The following KCNH7 variants were observed in gnomAD, a reference collection of about 807,000 sequenced individuals.
The protein encoded by KCNH7 is potassium voltage-gated channel subfamily H member 7.
A neutral mutation model predicts 120.8 loss-of-function variants in KCNH7; 49 were observed. The observed-to-expected ratio is 0.41, with a 90% CI of 0.32 to 0.51. KCNH7 has a LOEUF of 0.51. Ranked by LOEUF, KCNH7 falls within the 20% of genes least tolerant of loss-of-function variation. The pLI, the probability that KCNH7 is intolerant of heterozygous loss-of-function variation, is 0.38. For missense variants in KCNH7, 1,097 were observed against 1,446.6 expected (o/e 0.76, Z 3.92); for synonymous variants, 547 against 516.1 (o/e 1.06, Z -0.81).
At chr2:162,835,395 G>C (rs952572723) in intron 2 of KCNH7, among the ~76,000 whole-genome samples, 4 of 151,848 alleles carry the variant, frequency 2.6e-5, no homozygotes, top group Admixed American at 6.6e-5. Context: ...TATACCAAAT[G>C]ATGAGTCATT....
chr2:162,804,217 T>C (rs768348032), intron 2 of KCNH7, among the ~76,000 whole-genome samples: 1 of 151,816 alleles, frequency 6.6e-6, no homozygotes, highest in Non-Finnish European at 1.5e-5. Flanking sequence ...CTATTCAACA[T>C]AGTACTGGAA....
chr2:162,413,179 G>A (rs534417298), intron 9 of KCNH7, among the ~76,000 whole-genome samples: 1 of 151,982 alleles, frequency 6.6e-6, no homozygotes, highest in Admixed American at 6.6e-5. Context: ...CCCCAGGGTG[G>A]AGTGCAATGG....
intron 6 of KCNH7, among the ~76,000 whole-genome samples, chr2:162,447,828 A>G (rs1259777751): frequency 6.6e-6 from 1 of 152,114 alleles, no homozygotes; most frequent in Non-Finnish European, 1.5e-5. Context: ...TAGTTTTAAA[A>G]GGACTTTGAA....
At chr2:162,460,843 C>A (rs1689124459) in intron 6 of KCNH7, among the ~76,000 whole-genome samples, 1 of 152,122 alleles carries the variant, frequency 6.6e-6, no homozygotes, top group Middle Eastern at 3.2e-3. Context: ...AGCTAACGTT[C>A]CAAGGTGGTT....
At chr2:162,616,398 G>A (rs961357181) in intron 2 of KCNH7, among the ~76,000 whole-genome samples, 1 of 152,170 alleles carries the variant, frequency 6.6e-6, no homozygotes, top group Non-Finnish European at 1.5e-5. Flanking sequence ...TGCCACGTTG[G>A]GGGTGGTGTG....
chr2:162,750,247 C>A (rs1282343466), intron 2 of KCNH7, among the ~76,000 whole-genome samples: 1 of 152,034 alleles, frequency 6.6e-6, no homozygotes, highest in East Asian at 1.9e-4. Context: ...TCAACAACAG[C>A]TTTGCTGTGC....
chr2:162,543,570 T>C (rs972540621), intron 2 of KCNH7, among the ~76,000 whole-genome samples: 1 of 152,164 alleles, frequency 6.6e-6, no homozygotes, highest in Non-Finnish European at 1.5e-5. Context: ...CAATTACTTC[T>C]TATTTAAAAC....
chr2:162,597,468 T>C (rs867364439), intron 2 of KCNH7, among the ~76,000 whole-genome samples: 10 of 152,048 alleles, frequency 6.6e-5, no homozygotes, highest in Middle Eastern at 3.2e-3. Flanking sequence ...GTCTCACTTA[T>C]ATGTGGAATC....
intron 9 of KCNH7, among the ~76,000 whole-genome samples, chr2:162,416,753 G>A (rs962658881): frequency 1.3e-5 from 2 of 152,030 alleles, no homozygotes; most frequent in African/African-American, 4.8e-5. Flanking sequence ...CAGAGGTGAT[G>A]CCCCCTACCC....
At chr2:162,726,306 G>C (rs1223359767) in intron 2 of KCNH7, among the ~76,000 whole-genome samples, 2 of 152,050 alleles carry the variant, frequency 1.3e-5, no homozygotes, top group African/African-American at 2.4e-5. Flanking sequence ...CCCTTTACTT[G>C]CCAATTTTAA....
At chr2:162,537,745 G>A (rs1354030885) in intron 2 of KCNH7, among the ~76,000 whole-genome samples, 1 of 151,966 alleles carries the variant, frequency 6.6e-6, no homozygotes, top group African/African-American at 2.4e-5. Flanking sequence ...TCTTCTAAAA[G>A]CAAAATTACA....
At chr2:162,675,004 A>AT (rs959307660) in intron 2 of KCNH7, among the ~76,000 whole-genome samples, 2 of 151,620 alleles carry the variant, frequency 1.3e-5, no homozygotes, top group African/African-American at 4.8e-5. Flanking sequence ...AACTCAAGAA[A>AT]TTTATAATGA....
chr2:162,751,766 A>C (rs765138646), intron 2 of KCNH7, among the ~76,000 whole-genome samples: 50 of 151,476 alleles, frequency 3.3e-4, no homozygotes, highest in Admixed American at 1.2e-3. Flanking sequence ...ATGAATACAA[A>C]AGCATTTTAT....
chr2:162,733,834 T>C (rs886408707), intron 2 of KCNH7, among the ~76,000 whole-genome samples: 1 of 152,232 alleles, frequency 6.6e-6, no homozygotes, highest in Non-Finnish European at 1.5e-5. Flanking sequence ...CCACTTGTTA[T>C]GTAAAATGGT....
chr2:162,689,363 G>A (rs1260490373), intron 2 of KCNH7, among the ~76,000 whole-genome samples: 3 of 151,970 alleles, frequency 2.0e-5, no homozygotes, highest in East Asian at 3.9e-4. Context: ...TGTTGACTAG[G>A]CTGGTTTCAA....
intron 2 of KCNH7, among the ~76,000 whole-genome samples, chr2:162,586,813 C>A (rs1057098489): frequency 3.3e-5 from 5 of 151,578 alleles, no homozygotes; most frequent in Non-Finnish European, 5.9e-5. Context: ...TGCCATAAAA[C>A]CCATTAAAAT....
intron 6 of KCNH7, among the ~76,000 whole-genome samples, chr2:162,479,673 ATGTG>A (rs71009359): frequency 0.14 from 20,368 of 145,190 alleles, 1,878 homozygotes; most frequent in East Asian, 0.37. Flanking sequence ...GTGTGTGTGC[ATGTG>A]TGTGTGTGTG....
chr2:162,665,802 T>C (rs1209206399), intron 2 of KCNH7, among the ~76,000 whole-genome samples: 1 of 152,156 alleles, frequency 6.6e-6, no homozygotes, highest in Non-Finnish European at 1.5e-5. Flanking sequence ...TCAATTAAAC[T>C]ATGCAGGGAG....
intron 6 of KCNH7, among the ~76,000 whole-genome samples, chr2:162,470,361 C>A (rs1689469909): frequency 6.6e-6 from 1 of 151,424 alleles, no homozygotes; most frequent in African/African-American, 2.4e-5. Context: ...CGGCCGCGAC[C>A]CTGTCTGGGA....
Sources: gnomAD v4.1 joint callset for allele counts (sites outside exome capture counted in the v4.1 genomes callset) on GRCh38, gnomAD v4.1.1 for gene constraint, MANE v1.5 for transcripts, NCBI Gene and HGNC (gene_info 2026-07-23, HGNC 2026-07-21) for gene names.